RORB: variants seen among roughly 807,000 people sequenced by gnomAD.
The protein encoded by RORB is RAR related orphan receptor B, also known as nuclear receptor ROR-beta.
A neutral mutation model predicts 59.1 loss-of-function variants in RORB; 6 were observed. The observed-to-expected ratio is 0.10, with a 90% CI of 0.06 to 0.20. RORB has a LOEUF of 0.20. Ranked by LOEUF, RORB falls within the 10% of genes least tolerant of loss-of-function variation. The pLI is 1.00. For synonymous variants in RORB, 215 were observed against 204.5 expected (o/e 1.05, Z -0.44); for missense variants, 320 against 560.5 (o/e 0.57, Z 4.33).
At chr9:74,646,382 A>G (rs1823899340) in intron 4 of RORB, among the ~76,000 whole-genome samples, 1 of 152,196 alleles carries the variant, frequency 6.6e-6, no homozygotes, top group Admixed American at 6.5e-5. Context: ...AACTGCATGC[A>G]GATCCCAAAA....
intron 1 of RORB, among the ~76,000 whole-genome samples, chr9:74,620,110 A>G (rs1409562203): frequency 6.6e-6 from 1 of 152,168 alleles, no homozygotes; most frequent in Admixed American, 6.5e-5. Flanking sequence ...TAGTTTCAGA[A>G]GGAATGGTAC....
intron 4 of RORB, among the ~76,000 whole-genome samples, chr9:74,646,970 G>A (rs1307613756): frequency 6.6e-6 from 1 of 152,054 alleles, no homozygotes; most frequent in African/African-American, 2.4e-5. Context: ...CTAGTTTTGA[G>A]AATAGAAATA....
chr9:74,553,585 G>A (rs111347728), intron 1 of RORB, among the ~76,000 whole-genome samples: 2 of 152,036 alleles, frequency 1.3e-5, no homozygotes, highest in Non-Finnish European at 2.9e-5. Context: ...TTAAATGCAA[G>A]GAGTAAATGG....
intron 1 of RORB, among the ~76,000 whole-genome samples, chr9:74,562,135 A>G (rs2118194278): frequency 6.6e-6 from 1 of 152,312 alleles, no homozygotes; most frequent in African/African-American, 2.4e-5. Context: ...GCAAATCACT[A>G]GTAATCTTGA....
intron 1 of RORB, among the ~76,000 whole-genome samples, chr9:74,611,300 C>T (rs1244284469): frequency 6.6e-6 from 1 of 151,930 alleles, no homozygotes; most frequent in African/African-American, 2.4e-5. Flanking sequence ...TTCAAAGTGA[C>T]AATTAAATGC....
chr9:74,589,727 C>T (rs975145166), intron 1 of RORB, among the ~76,000 whole-genome samples: 7 of 152,108 alleles, frequency 4.6e-5, no homozygotes, highest in East Asian at 3.9e-4. Context: ...ATGAACCCCA[C>T]GCTCGCCTCC....
chr9:74,512,285 G>C (rs1468614005), intron 1 of RORB, among the ~76,000 whole-genome samples: 4 of 152,142 alleles, frequency 2.6e-5, no homozygotes, highest in Non-Finnish European at 5.9e-5. Flanking sequence ...AGACATACCA[G>C]TTCTCAAAAT....
Position 74,511,829 on chromosome 9 carries a change from A to T in RORB, c.7+13846A>T, listed in dbSNP as rs185492480. ...CTCTTTCCTTCATCATCCAACATTT[A>T]TCAAGGATCTATTATGCACCAGACA... On this transcript the variant is annotated intron_variant, in intron 1 of 9. Coordinates refer to ENST00000376896, the MANE Select transcript of RORB (RefSeq NM_006914.4). Among the ~76,000 whole-genome samples the T allele has an allele frequency of 2.0e-5, 3 of 151,210 alleles. No homozygotes were observed. In the Admixed American group the frequency reaches 2.0e-4, roughly 10 times the overall value.
intron 9 of RORB, among the ~76,000 whole-genome samples, chr9:74,679,255 G>C (rs11144058): frequency 0.15 from 22,136 of 151,822 alleles, 2,049 homozygotes; most frequent in Non-Finnish European, 0.19. Context: ...ATTTGGTCAG[G>C]ACTTTGATTT....
intron 4 of RORB, among the ~76,000 whole-genome samples, chr9:74,644,374 A>G (rs943722302): frequency 6.6e-6 from 1 of 152,346 alleles, no homozygotes. Flanking sequence ...TTACTATATC[A>G]TGGGCCCTTC....
chr9:74,590,133 T>C (rs1822865040), intron 1 of RORB, among the ~76,000 whole-genome samples: 1 of 152,120 alleles, frequency 6.6e-6, no homozygotes, highest in Admixed American at 6.6e-5. Context: ...AAGCTCTCAG[T>C]AGTAACAGTA....
chr9:74,612,309 G>T (rs969392270), intron 1 of RORB, among the ~76,000 whole-genome samples: 1 of 152,148 alleles, frequency 6.6e-6, no homozygotes, highest in Non-Finnish European at 1.5e-5. Flanking sequence ...TCAGGTGAAT[G>T]GATGGCTTTG....
intron 1 of RORB, among the ~76,000 whole-genome samples, chr9:74,536,548 A>G (rs185336505): frequency 3.3e-3 from 501 of 152,126 alleles, no homozygotes; most frequent in African/African-American, 0.011. Context: ...ATTATAAACA[A>G]CTGTAAACCT....
At chr9:74,587,447 G>C (rs984775097) in intron 1 of RORB, among the ~76,000 whole-genome samples, 3 of 152,104 alleles carry the variant, frequency 2.0e-5, no homozygotes, top group African/African-American at 7.2e-5. Flanking sequence ...ATGTTTTTCA[G>C]TCATAGCCTT....
chr9:74,544,327 C>A (rs924814454), intron 1 of RORB, among the ~76,000 whole-genome samples: 7 of 152,178 alleles, frequency 4.6e-5, no homozygotes, highest in African/African-American at 1.7e-4. Flanking sequence ...CACGCAAAGA[C>A]TGTTCTTCGG....
intron 2 of RORB, 65 bp downstream of exon 2, chr9:74,630,432 CG>C (rs139770757): frequency 0.15 from 168,100 of 1,118,690 alleles, 13,348 homozygotes; most frequent in Non-Finnish European, 0.17. Context: ...TCACAAGATG[CG>C]GTGACACGTT....
intron 9 of RORB, among the ~76,000 whole-genome samples, chr9:74,673,203 G>A (rs1824377148): frequency 6.6e-6 from 1 of 152,158 alleles, no homozygotes; most frequent in African/African-American, 2.4e-5. Flanking sequence ...GGGCAGAAAA[G>A]ACAATAATGT....
chr9:74,539,167 A>G (rs1035693018), intron 1 of RORB, among the ~76,000 whole-genome samples: 1 of 152,198 alleles, frequency 6.6e-6, no homozygotes, highest in Non-Finnish European at 1.5e-5. Flanking sequence ...TCATGAATAC[A>G]CCTCACATGT....
intron 4 of RORB, among the ~76,000 whole-genome samples, chr9:74,658,037 A>G (rs968456812): frequency 2.0e-5 from 3 of 151,718 alleles, no homozygotes; most frequent in African/African-American, 7.3e-5. Context: ...AAGAAAAGAA[A>G]AGAAAAGCCA....
Sources: allele counts gnomAD v4.1 joint callset (sites outside exome capture counted in the v4.1 genomes callset), GRCh38; gene constraint gnomAD v4.1.1; transcripts MANE v1.5; gene names NCBI Gene and HGNC (gene_info 2026-07-23, HGNC 2026-07-21).